Variants in NUP210L observed in about 807,000 individuals in gnomAD.
The protein encoded by NUP210L is nucleoporin 210 like.
In NUP210L, 74 loss-of-function variants were observed where a neutral mutation model predicts 208.5. The observed-to-expected ratio is 0.35, with a 90% CI of 0.29 to 0.43. The LOEUF is 0.43. Ranked by LOEUF, NUP210L falls within the 20% of genes least tolerant of loss-of-function variation. NUP210L has a pLI of 1.00. For synonymous variants in NUP210L, 780 were observed against 816.9 expected (o/e 0.95, Z 0.77); for missense variants, 1,843 against 2,289.4 (o/e 0.81, Z 3.98).
At chr1:154,143,198 G>GC (rs1482221886) in intron 3 of NUP210L, among the ~76,000 whole-genome samples, 13 of 107,254 alleles carry the variant, frequency 1.2e-4, no homozygotes, top group Non-Finnish European at 2.5e-4. Context: ...CCCTCCCCCT[G>GC]CCCAAAAAAA....
chr1:154,046,041 A>T, intron 27 of NUP210L, 28 bp downstream of exon 27: 1 of 1,594,800 alleles, frequency 6.3e-7, no homozygotes, highest in African/African-American at 1.4e-5. Flanking sequence ...GATCCCTAAG[A>T]TAACACAATA....
intron 12 of NUP210L, among the ~76,000 whole-genome samples, chr1:154,116,875 A>T (rs1357009319): frequency 6.6e-6 from 1 of 152,198 alleles, no homozygotes; most frequent in African/African-American, 2.4e-5. Flanking sequence ...AATCATATGT[A>T]TAACTATAAC....
At chr1:154,064,912 T>C (rs1345187924) in intron 17 of NUP210L, among the ~76,000 whole-genome samples, 1 of 150,486 alleles carries the variant, frequency 6.6e-6, no homozygotes, top group African/African-American at 2.4e-5. Context: ...CTGTCTCTAC[T>C]AAAAATACAA....
chr1:154,104,031 G>A, exon 13 of NUP210L: 1 of 1,613,632 alleles, frequency 6.2e-7, no homozygotes, highest in Middle Eastern at 1.7e-4. Context: ...GAAGAGTAAA[G>A]ACTCCTTGTT....
At chr1:154,070,400 C>G (rs757248147) in exon 17 of NUP210L, 2 of 1,613,444 alleles carry the variant, frequency 1.2e-6, no homozygotes, top group South Asian at 2.2e-5. Context: ...AATTATCAAA[C>G]TTTCTCCTAT....
At chr1:154,007,223 A>G (rs1365764596) in intron 35 of NUP210L, among the ~76,000 whole-genome samples, 3 of 151,362 alleles carry the variant, frequency 2.0e-5, no homozygotes, top group Non-Finnish European at 4.4e-5. Context: ...TCGGCCTCCC[A>G]AAATGGTGGA....
At chr1:154,085,177 C>A (rs1655556895) in intron 16 of NUP210L, among the ~76,000 whole-genome samples, 1 of 140,190 alleles carries the variant, frequency 7.1e-6, no homozygotes, top group Non-Finnish European at 1.6e-5. Flanking sequence ...GAAACCCTGT[C>A]TCTACTAAAA....
intron 16 of NUP210L, among the ~76,000 whole-genome samples, chr1:154,076,970 A>T (rs1350142357): frequency 1.3e-5 from 2 of 152,158 alleles, no homozygotes; most frequent in African/African-American, 4.8e-5. Context: ...GAATCATAAA[A>T]ACAGAAAGGG....
chr1:153,997,348 G>A lies in NUP210L; in HGVS notation c.5387-2168C>T, dbSNP rs574311238. On this transcript the variant is annotated intron_variant, in intron 37 of 39. Transcript: ENST00000368559. Reference sequence around the variant, plus strand: ...TAGAGATGAGGTCTCTCTATGTTGCGCAGGCTTGCCTTGAGCACCTGACCT... The same window carrying A: ...TAGAGATGAGGTCTCTCTATGTTGCACAGGCTTGCCTTGAGCACCTGACCT... 5.3e-5 allele frequency among the ~76,000 whole-genome samples: 8 copies of A among 150,916 alleles called. No homozygotes were observed. In the South Asian group the frequency reaches 8.4e-4, roughly 16 times the overall value.
intron 16 of NUP210L, among the ~76,000 whole-genome samples, chr1:154,086,327 A>C (rs1397693339): frequency 6.6e-6 from 1 of 152,184 alleles, no homozygotes; most frequent in East Asian, 1.9e-4. Flanking sequence ...TGGATCAGAG[A>C]GCTAAATGTA....
At chr1:154,044,877 T>C (rs1170978743) in intron 27 of NUP210L, among the ~76,000 whole-genome samples, 1 of 152,204 alleles carries the variant, frequency 6.6e-6, no homozygotes, top group African/African-American at 2.4e-5. Context: ...TCTGCCAAAC[T>C]TGCTTTTTTT....
intron 13 of NUP210L, among the ~76,000 whole-genome samples, chr1:154,102,869 T>C (rs144635307): frequency 1.4e-5 from 2 of 146,116 alleles, no homozygotes; most frequent in East Asian, 1.9e-4. Flanking sequence ...GGTATATATA[T>C]AAGGGGAAGA....
chr1:154,020,549 C>T (rs995283034), intron 32 of NUP210L, among the ~76,000 whole-genome samples: 3 of 151,942 alleles, frequency 2.0e-5, no homozygotes, highest in Non-Finnish European at 2.9e-5. Flanking sequence ...ATTTTTGAGA[C>T]AGAGTCTCGC....
chr1:154,128,342 T>C lies in NUP210L; in HGVS notation c.1079-925A>G, dbSNP rs888529556. ...CTCTACAAAAAAATTAAAAATTAGC[T>C]GAACGTGGTGGCTCGCGGCTATAGT... On this transcript the variant is annotated intron_variant, in intron 8 of 39. Coordinates refer to ENST00000368559, the Ensembl canonical transcript of NUP210L. Among the ~76,000 whole-genome samples the C allele has an allele frequency of 3.3e-5, 5 of 150,550 alleles. No individual in the cohort carries two copies. In the East Asian group the frequency reaches 1.0e-3, roughly 30 times the overall value.
chr1:154,072,942 G>T (rs188589438), intron 16 of NUP210L, among the ~76,000 whole-genome samples: 1 of 152,316 alleles, frequency 6.6e-6, no homozygotes, highest in Non-Finnish European at 1.5e-5. Flanking sequence ...AAACTAAAGA[G>T]CTTTTGCGCA....
Position 154,058,161 on chromosome 1 carries a change from C to T in NUP210L, c.3035G>A (p.Arg1012His), listed in dbSNP as rs373712975. 2.7e-5 allele frequency: 44 copies of T among 1,613,810 alleles called. No homozygotes were observed. The highest frequency in any genetic ancestry group is 2.1e-4 in the African/African-American group (16 of 74,892). ...TCTGAAGTATTTATTTTGGAATGGG[C>T]GTTTGGAAGAGCCAAGAACCCTCAC... Residue 1012 changes from arginine to histidine, a missense_variant, in exon 22 of 40, where the codon CGC becomes CAC. Around this residue, in one of 5 missense-constraint regions of NUP210L, gnomAD observed 781 missense variants for 973.8 expected, o/e 0.80. Coordinates refer to ENST00000368559, the Ensembl canonical transcript of NUP210L.
intron 27 of NUP210L, among the ~76,000 whole-genome samples, chr1:154,033,910 C>G (rs1264542076): frequency 1.3e-5 from 2 of 151,702 alleles, no homozygotes; most frequent in African/African-American, 4.8e-5. Context: ...TTTTGTGTGT[C>G]TTCTTCATTT....
chr1:154,054,801 T>C (rs1485950180), exon 24 of NUP210L: 1 of 1,613,548 alleles, frequency 6.2e-7, no homozygotes, highest in African/African-American at 1.3e-5. Context: ...CAGTGTCATT[T>C]TCTCTGGAAG....
At chr1:154,070,381 G>A (rs1654648953) in exon 17 of NUP210L, 1 of 1,613,054 alleles carries the variant, frequency 6.2e-7, no homozygotes, top group Non-Finnish European at 8.5e-7. Flanking sequence ...TCTAGCATTA[G>A]TGAACTGAAA....
Sources: gnomAD v4.1 joint callset for allele counts (sites outside exome capture counted in the v4.1 genomes callset) on GRCh38, gnomAD v4.1.1 for gene constraint, gnomAD v4.1.1 regional missense constraint, MANE v1.5 for transcripts, NCBI Gene and HGNC (gene_info 2026-07-23, HGNC 2026-07-21) for gene names.